The following MAML2 variants were observed in gnomAD, a reference collection of about 807,000 sequenced individuals.
MAML2 encodes mastermind like transcriptional coactivator 2.
A neutral mutation model predicts 96.1 loss-of-function variants in MAML2; 22 were observed. That is an observed-to-expected ratio of 0.23 (90% CI 0.16 to 0.33). The LOEUF is 0.33. Ranked by LOEUF, MAML2 falls within the 10% of genes least tolerant of loss-of-function variation. The probability of loss-of-function intolerance (pLI) is 1.00; values close to 1 mark genes in which losing one functional copy is unlikely to be tolerated. For synonymous variants in MAML2, 561 were observed against 521.3 expected (o/e 1.08, Z -1.04); for missense variants, 1,367 against 1,392.4 (o/e 0.98, Z 0.29).
At chr11:96,211,457 A>AAAG (rs1555024922) in intron 1 of MAML2, among the ~76,000 whole-genome samples, 1 of 151,920 alleles carries the variant, frequency 6.6e-6, no homozygotes, top group Admixed American at 6.6e-5. Context: ...AAAAAAAAAA[A>AAAG]AAAAGAAAAG....
At chr11:96,245,955 G>A (rs949619491) in intron 1 of MAML2, among the ~76,000 whole-genome samples, 7 of 151,812 alleles carry the variant, frequency 4.6e-5, no homozygotes, top group Non-Finnish European at 7.4e-5. Context: ...TGCCCCCCTC[G>A]ACCTCCCAAA....
At chr11:96,211,079 T>G (rs7122482) in intron 1 of MAML2, among the ~76,000 whole-genome samples, 8,600 of 152,214 alleles carry the variant, frequency 0.056, 791 homozygotes, top group African/African-American at 0.2. Flanking sequence ...CAGATTACCT[T>G]ATGTATAATG....
At chr11:96,299,060 A>ATATATATATATATATATATAT (rs1555037072) in intron 1 of MAML2, among the ~76,000 whole-genome samples, 29 of 56,302 alleles carry the variant, frequency 5.2e-4, no homozygotes, top group South Asian at 1.4e-3. Flanking sequence ...AAAAAAAAAA[A>ATATATATATATATATATATAT]ATATATATAT....
chr11:96,283,323 C>T (rs1399996941), intron 1 of MAML2, among the ~76,000 whole-genome samples: 2 of 152,194 alleles, frequency 1.3e-5, no homozygotes, highest in African/African-American at 4.8e-5. Context: ...TAAGTAAGGG[C>T]ACTCACTCTT....
At chr11:96,189,281 A>G (rs372270737) in intron 1 of MAML2, among the ~76,000 whole-genome samples, 4 of 152,320 alleles carry the variant, frequency 2.6e-5, no homozygotes, top group South Asian at 2.1e-4. Flanking sequence ...ACAATTTTTT[A>G]AACAAGTAGC....
chr11:96,319,837 A>G (rs1863678607), intron 1 of MAML2, among the ~76,000 whole-genome samples: 1 of 152,244 alleles, frequency 6.6e-6, no homozygotes, highest in South Asian at 2.1e-4. Context: ...CATAACCCAT[A>G]AAACTAAATA....
chr11:96,282,638 G>T (rs1451441661), intron 1 of MAML2, among the ~76,000 whole-genome samples: 1 of 152,162 alleles, frequency 6.6e-6, no homozygotes, highest in African/African-American at 2.4e-5. Context: ...AAAAAGTGAG[G>T]TTTCTTGATT....
chr11:95,985,517 T>C lies in MAML2; in HGVS notation c.2455+14A>G, dbSNP rs1857811289. On this transcript the variant is annotated intron_variant, in intron 4 of 4. Coordinates refer to ENST00000524717, the MANE Select transcript of MAML2 (RefSeq NM_032427.4). ...TCACAGCTATAATTTTTATTAATTT[T>C]TAAGAACACTTACCAGAATACTGAG... 2.7e-6 allele frequency: 4 copies of C among 1,494,806 alleles called. No homozygotes were observed. 92.6% of individuals were successfully genotyped at this position (1,494,806 alleles called of 1,614,324 possible). A position where few individuals can be genotyped will look rare whatever the true frequency, so the allele number is the denominator to read the frequency against.
chr11:96,068,829 CAAAA>C (rs538393436), intron 2 of MAML2, among the ~76,000 whole-genome samples: 1 of 76,662 alleles, frequency 1.3e-5, no homozygotes, highest in Admixed American at 1.5e-4. Flanking sequence ...GACTCCTTCT[CAAAA>C]AAAAAAAAAA....
At chr11:96,084,059 G>A (rs912286024) in intron 2 of MAML2, among the ~76,000 whole-genome samples, 1 of 152,120 alleles carries the variant, frequency 6.6e-6, no homozygotes, top group Non-Finnish European at 1.5e-5. Context: ...AGACCTGGGG[G>A]TGAGAGAAAG....
At chr11:96,223,572 A>ATT (rs77850751) in intron 1 of MAML2, among the ~76,000 whole-genome samples, 3 of 150,564 alleles carry the variant, frequency 2.0e-5, no homozygotes, top group African/African-American at 4.9e-5. Flanking sequence ...TTTGATTGTC[A>ATT]TTTTTTTTAA....
At chr11:96,033,844 G>A (rs75530769) in intron 2 of MAML2, among the ~76,000 whole-genome samples, 102 of 152,246 alleles carry the variant, frequency 6.7e-4, no homozygotes, top group African/African-American at 2.4e-3. Context: ...GGATCCAGTT[G>A]GAATTACTAA....
rs148799432 is a variant in MAML2, at chr11:96,091,169, A to G, written c.2139+723T>C. On this transcript the variant is annotated intron_variant, in intron 2 of 4. Coordinates refer to ENST00000524717, the MANE Select transcript of MAML2 (RefSeq NM_032427.4). ...TGTAAGGTTACCAGAGATTTTTTTTATCTGTAGTCGTGATAATTTCATCTT... is the reference window on the plus strand; with the variant it reads ...TGTAAGGTTACCAGAGATTTTTTTTGTCTGTAGTCGTGATAATTTCATCTT... Among the ~76,000 whole-genome samples the G allele has an allele frequency of 1.9e-3, 296 of 152,192 alleles. 2 individuals are homozygous for G. Among genetic ancestry groups the G allele is most frequent in the African/African-American group, 6.4e-3 (267 of 41,506 alleles).
intron 1 of MAML2, among the ~76,000 whole-genome samples, chr11:96,154,180 A>G (rs1860973244): frequency 6.6e-6 from 1 of 152,066 alleles, no homozygotes; most frequent in African/African-American, 2.4e-5. Context: ...TTAAAAATAG[A>G]TTCCTGGACC....
At chr11:96,295,681 AACACACACACACACAC>A (rs71745057) in intron 1 of MAML2, among the ~76,000 whole-genome samples, 1 of 147,122 alleles carries the variant, frequency 6.8e-6, no homozygotes. Context: ...CTGCTGCTGT[AACACACACACACACAC>A]ACACACACAC....
At chr11:96,263,403 TAAC>T in intron 1 of MAML2, among the ~76,000 whole-genome samples, 1 of 152,380 alleles carries the variant, frequency 6.6e-6, no homozygotes, top group Non-Finnish European at 1.5e-5. Context: ...TTCAACAATT[TAAC>T]AACAATATTA....
intron 1 of MAML2, among the ~76,000 whole-genome samples, chr11:96,338,906 T>C (rs1231906072): frequency 6.6e-6 from 1 of 152,168 alleles, no homozygotes; most frequent in East Asian, 1.9e-4. Context: ...GCCAATGTAA[T>C]GGGCTTGGTG....
intron 2 of MAML2, among the ~76,000 whole-genome samples, chr11:96,026,511 A>C (rs535742): frequency 6.6e-6 from 1 of 152,012 alleles, no homozygotes; most frequent in African/African-American, 2.4e-5. Context: ...AGATAAACCC[A>C]ACCCTCCCTT....
chr11:96,009,544 T>C (rs1436936411), intron 2 of MAML2, among the ~76,000 whole-genome samples: 1 of 152,176 alleles, frequency 6.6e-6, no homozygotes, highest in Admixed American at 6.5e-5. Flanking sequence ...AGACTATTGG[T>C]ATGTGGTGAA....
Sources: gnomAD v4.1 joint callset for allele counts (sites outside exome capture counted in the v4.1 genomes callset) on GRCh38, gnomAD v4.1.1 for gene constraint, MANE v1.5 for transcripts, NCBI Gene and HGNC (gene_info 2026-07-23, HGNC 2026-07-21) for gene names.